The following CDH13 variants were observed in gnomAD, a reference collection of about 807,000 sequenced individuals.
CDH13 encodes cadherin 13, also known as cadherin-13.
CDH13 carries 24 observed loss-of-function variants against 63.8 expected under a neutral mutation model. That is an observed-to-expected ratio of 0.38 (90% CI 0.27 to 0.53). The LOEUF (loss-of-function observed/expected upper bound fraction) is 0.53, where lower values mean the gene tolerates loss of function less well. Ranked by LOEUF, CDH13 falls within the 20% of genes least tolerant of loss-of-function variation. The pLI is 0.85. For missense variants in CDH13, 1,049 were observed against 903.1 expected, an observed-to-expected ratio of 1.16 and a Z score of -2.07; for synonymous variants, 503 against 355.3, an observed-to-expected ratio of 1.42 and a Z score of -4.67.
intron 2 of CDH13, among the ~76,000 whole-genome samples, chr16:82,984,669 G>T (rs1443280529): frequency 6.6e-6 from 1 of 152,166 alleles, no homozygotes; most frequent in Non-Finnish European, 1.5e-5. Flanking sequence ...TTTACAGATG[G>T]AAAGATTGAG....
intron 5 of CDH13, among the ~76,000 whole-genome samples, chr16:83,275,684 T>A (rs2088965144): frequency 1.3e-5 from 2 of 152,162 alleles, no homozygotes. Flanking sequence ...GGGGCCTGCT[T>A]TGTCACTTGT....
At chr16:83,762,973 C>G (rs534006686) in intron 11 of CDH13, among the ~76,000 whole-genome samples, 31 of 152,298 alleles carry the variant, frequency 2.0e-4, no homozygotes, top group Non-Finnish European at 4.1e-4. Flanking sequence ...CCCTAAGGCT[C>G]AGGGCATATG....
At chr16:83,690,628 G>A (rs1904764361) in intron 10 of CDH13, among the ~76,000 whole-genome samples, 1 of 152,168 alleles carries the variant, frequency 6.6e-6, no homozygotes, top group African/African-American at 2.4e-5. Context: ...CTGGAGTGTA[G>A]GGTAGCCATA....
chr16:83,404,402 G>A (rs146772927), intron 6 of CDH13, among the ~76,000 whole-genome samples: 7 of 152,256 alleles, frequency 4.6e-5, no homozygotes, highest in Middle Eastern at 3.4e-3. Context: ...TGCTTATAAC[G>A]TTGTCATTAT....
intron 10 of CDH13, among the ~76,000 whole-genome samples, chr16:83,713,152 C>G (rs1225475302): frequency 2.0e-5 from 3 of 152,216 alleles, no homozygotes; most frequent in Non-Finnish European, 2.9e-5. Flanking sequence ...GCAAACAGAT[C>G]AACCTGGGAA....
At chr16:83,238,724 A>G (rs1597576470) in intron 5 of CDH13, among the ~76,000 whole-genome samples, 1 of 134,714 alleles carries the variant, frequency 7.4e-6, no homozygotes, top group Admixed American at 8.2e-5. Context: ...TTTAACCAGT[A>G]CCTCCATATG....
intron 1 of CDH13, among the ~76,000 whole-genome samples, chr16:82,682,348 AG>A (rs1914638843): frequency 6.6e-6 from 1 of 152,224 alleles, no homozygotes; most frequent in African/African-American, 2.4e-5. Flanking sequence ...AATGCAGAAT[AG>A]AGTAGAAAGT....
chr16:83,236,237 G>GCACACACACACACACACACACACA (rs3049880), intron 5 of CDH13, among the ~76,000 whole-genome samples: 4 of 149,006 alleles, frequency 2.7e-5, no homozygotes, highest in Non-Finnish European at 4.5e-5. Flanking sequence ...ACACGCACAT[G>GCACACACACACACACACACACACA]CACACACACA....
At chr16:83,117,935 C>G (rs1016259604) in intron 3 of CDH13, among the ~76,000 whole-genome samples, 2 of 152,164 alleles carry the variant, frequency 1.3e-5, no homozygotes, top group African/African-American at 2.4e-5. Context: ...AGGTTTTAAC[C>G]TCAAATGCCC....
chr16:82,857,519 G>C (rs1458271148), intron 1 of CDH13, among the ~76,000 whole-genome samples: 1 of 152,152 alleles, frequency 6.6e-6, no homozygotes, highest in Admixed American at 6.5e-5. Context: ...TTGCCCAGGA[G>C]AGAATCGTAT....
intron 3 of CDH13, among the ~76,000 whole-genome samples, chr16:83,040,979 C>CAAAA (rs1229866255): frequency 6.6e-6 from 1 of 152,136 alleles, no homozygotes; most frequent in Non-Finnish European, 1.5e-5. Context: ...GAACTTACAC[C>CAAAA]ATCACCACTC....
At chr16:83,583,653 A>G (rs1905849750) in intron 7 of CDH13, among the ~76,000 whole-genome samples, 1 of 152,194 alleles carries the variant, frequency 6.6e-6, no homozygotes, top group Non-Finnish European at 1.5e-5. Flanking sequence ...CACGCCTATA[A>G]TCCCAGCACT....
intron 6 of CDH13, among the ~76,000 whole-genome samples, chr16:83,377,700 C>G (rs926208198): frequency 3.3e-5 from 5 of 152,156 alleles, no homozygotes; most frequent in Non-Finnish European, 5.9e-5. Context: ...CTGATAATGA[C>G]TCCCACACTT....
At chr16:82,961,341 AC>A (rs1221301727) in intron 2 of CDH13, among the ~76,000 whole-genome samples, 1 of 152,070 alleles carries the variant, frequency 6.6e-6, no homozygotes, top group Non-Finnish European at 1.5e-5. Context: ...AACGTCACTA[AC>A]CTATGGTTCT....
At chr16:83,589,522 C>A (rs944038149) in intron 7 of CDH13, among the ~76,000 whole-genome samples, 2 of 151,810 alleles carry the variant, frequency 1.3e-5, no homozygotes, top group Non-Finnish European at 2.9e-5. Context: ...CTTAACAAAG[C>A]CTCTTGTGCC....
intron 4 of CDH13, among the ~76,000 whole-genome samples, chr16:83,140,795 A>C (rs2036498089): frequency 6.6e-6 from 1 of 152,182 alleles, no homozygotes; most frequent in Non-Finnish European, 1.5e-5. Flanking sequence ...ACATAAAATG[A>C]CTGAAGAGCA....
At chr16:83,777,563 A>C (rs1915209270) in intron 11 of CDH13, among the ~76,000 whole-genome samples, 1 of 152,220 alleles carries the variant, frequency 6.6e-6, no homozygotes, top group South Asian at 2.1e-4. Context: ...AGTTGGCTCT[A>C]CTGCAACATC....
chr16:83,227,164 G>T (rs1458160577), intron 5 of CDH13, among the ~76,000 whole-genome samples: 5 of 152,168 alleles, frequency 3.3e-5, no homozygotes, highest in African/African-American at 7.2e-5. Context: ...CAAACGATTG[G>T]GTCAGAACCC....
intron 3 of CDH13, among the ~76,000 whole-genome samples, chr16:83,087,545 A>G (rs1403346039): frequency 6.6e-6 from 1 of 151,796 alleles, no homozygotes; most frequent in East Asian, 1.9e-4. Flanking sequence ...GCATGTGCCT[A>G]TAGTCCCAGC....
Sources: gnomAD v4.1 joint callset for allele counts (sites outside exome capture counted in the v4.1 genomes callset) on GRCh38, gnomAD v4.1.1 for gene constraint, MANE v1.5 for transcripts, NCBI Gene and HGNC (gene_info 2026-07-23, HGNC 2026-07-21) for gene names.